The following ZNF532 variants were observed in gnomAD, a reference collection of about 807,000 sequenced individuals.
ZNF532 encodes zinc finger protein 532.
ZNF532 carries 22 observed loss-of-function variants against 89.3 expected under a neutral mutation model. That is an observed-to-expected ratio of 0.25 (90% CI 0.18 to 0.35). The LOEUF is 0.35. ZNF532 is among the 10% of genes least tolerant of loss of function. ZNF532 has a pLI of 1.00. For missense variants in ZNF532, 1,132 were observed against 1,643.4 expected, an observed-to-expected ratio of 0.69 and a Z score of 5.38; for synonymous variants, 606 against 649.6, an observed-to-expected ratio of 0.93 and a Z score of 1.02.
intron 2 of ZNF532, among the ~76,000 whole-genome samples, chr18:58,907,405 T>C (rs560420212): frequency 3.3e-5 from 5 of 152,180 alleles, no homozygotes; most frequent in East Asian, 1.9e-4. Flanking sequence ...AGGCTGGTCT[T>C]GAACTCCTGA....
At chr18:58,883,025 G>T (rs2058043675) in intron 2 of ZNF532, among the ~76,000 whole-genome samples, 1 of 152,178 alleles carries the variant, frequency 6.6e-6, no homozygotes, top group Non-Finnish European at 1.5e-5. Flanking sequence ...GTAACAGGAG[G>T]AACATTCCTG....
chr18:58,871,567 G>C (rs1236660093), intron 2 of ZNF532, among the ~76,000 whole-genome samples: 6 of 152,234 alleles, frequency 3.9e-5, no homozygotes, highest in Non-Finnish European at 7.3e-5. Flanking sequence ...ACAGTTGGTG[G>C]ACTGAGGGGT....
intron 2 of ZNF532, among the ~76,000 whole-genome samples, chr18:58,880,793 T>TGTGTGTGTGTGTGTGTGTGTGTGTGTG (rs1402848016): frequency 2.0e-5 from 3 of 151,454 alleles, no homozygotes; most frequent in Admixed American, 6.6e-5. Flanking sequence ...TGTGTGTATG[T>TGTGTGTGTGTGTGTGTGTGTGTGTGTG]TTGGGGCCCC....
intron 9 of ZNF532, among the ~76,000 whole-genome samples, chr18:58,982,895 C>T (rs538726869): frequency 5.9e-5 from 9 of 151,722 alleles, no homozygotes; most frequent in South Asian, 2.1e-4. Flanking sequence ...CAGGCAGTCA[C>T]GAGGTCAGGA....
At chr18:58,872,454 A>C (rs1473729237) in intron 2 of ZNF532, among the ~76,000 whole-genome samples, 1 of 152,188 alleles carries the variant, frequency 6.6e-6, no homozygotes, top group Non-Finnish European at 1.5e-5. Flanking sequence ...AGGGATTTCA[A>C]TAGTAAGAAT....
At chr18:58,871,352 CAAGTAGCT>C (rs1260641045) in intron 2 of ZNF532, among the ~76,000 whole-genome samples, 1 of 152,172 alleles carries the variant, frequency 6.6e-6, no homozygotes, top group Non-Finnish European at 1.5e-5. Context: ...CCCAAGCAGC[CAAGTAGCT>C]GGCACTATAG....
At chr18:58,901,614 G>A (rs1156887024) in intron 2 of ZNF532, among the ~76,000 whole-genome samples, 1 of 152,182 alleles carries the variant, frequency 6.6e-6, no homozygotes, top group Non-Finnish European at 1.5e-5. Flanking sequence ...AGTGGAATCT[G>A]GAACTTTAAA....
chr18:58,889,785 A>G (rs921643329), intron 2 of ZNF532, among the ~76,000 whole-genome samples: 2 of 144,790 alleles, frequency 1.4e-5, no homozygotes, highest in Admixed American at 7.0e-5. Context: ...AACAAAAAAC[A>G]AAAAAACCCC....
intron 2 of ZNF532, among the ~76,000 whole-genome samples, chr18:58,894,467 CAAAAAAAAA>C (rs149027291): frequency 2.6e-5 from 2 of 77,878 alleles, no homozygotes; most frequent in Non-Finnish European, 5.7e-5. Context: ...GACTCCATCT[CAAAAAAAAA>C]AAAAAAAAAG....
intron 9 of ZNF532, among the ~76,000 whole-genome samples, chr18:58,983,766 C>G (rs1286302124): frequency 6.6e-6 from 1 of 151,954 alleles, no homozygotes; most frequent in Non-Finnish European, 1.5e-5. Flanking sequence ...CAGAGCAATG[C>G]CTGCTAACAG....
chr18:58,939,663 T>G, intron 5 of ZNF532, 42 bp downstream of exon 5: 1 of 1,570,134 alleles, frequency 6.4e-7, no homozygotes, highest in South Asian at 1.2e-5. Context: ...ACTGCTTTAT[T>G]AGCAATTTAG....
chr18:58,908,031 G>GAGTA (rs1444704028), intron 2 of ZNF532, among the ~76,000 whole-genome samples: 1 of 152,216 alleles, frequency 6.6e-6, no homozygotes, highest in Non-Finnish European at 1.5e-5. Flanking sequence ...AAAAGGGTAG[G>GAGTA]AGTATTCTTT....
At chr18:58,925,013 C>T (rs548045846) in intron 3 of ZNF532, among the ~76,000 whole-genome samples, 2 of 152,152 alleles carry the variant, frequency 1.3e-5, no homozygotes, top group South Asian at 2.1e-4. Flanking sequence ...TTTAACCATT[C>T]ACTTGTTGAA....
chr18:58,864,073 C>T (rs1197451730), upstream of ZNF532: 1 of 152,218 alleles, frequency 6.6e-6, no homozygotes, highest in African/African-American at 2.4e-5. Flanking sequence ...CTACTCCCCC[C>T]GCCGGCGCCG....
At chr18:58,917,872 T>C (rs367698669) in intron 2 of ZNF532, among the ~76,000 whole-genome samples, 1 of 152,190 alleles carries the variant, frequency 6.6e-6, no homozygotes, top group South Asian at 2.1e-4. Context: ...GTGACGATGA[T>C]AGTGATAATT....
At chr18:58,983,480 G>A (rs2068069797) in intron 9 of ZNF532, among the ~76,000 whole-genome samples, 1 of 152,188 alleles carries the variant, frequency 6.6e-6, no homozygotes, top group African/African-American at 2.4e-5. Flanking sequence ...TTGGGCCTTG[G>A]CACTCACAGC....
In ZNF532 at chr18:58,939,550, G is replaced by A. The variant is rs773947370; in HGVS notation, c.2634G>A (p.Ala878=). The A allele has an allele frequency of 1.2e-5, 19 of 1,613,930 alleles. No individual in the cohort carries two copies. The highest frequency in any genetic ancestry group is 1.6e-4 in the Middle Eastern group (1 of 6,084). The stretch of plus-strand genomic sequence containing the variant: ...ACAAGTGTCCTATTTGTCCAATGGC[G>A]TTTAAGTCTGCCCCAAGCACACATT... ...VFYKCPICPM[A]FKSAPSTHSH... The change falls in exon 5 of 10, where the codon GCG becomes GCA. Residue 878 remains alanine (A), a synonymous_variant. Coordinates refer to ENST00000591808, the MANE Select transcript of ZNF532 (RefSeq NM_001375912.1).
At chr18:58,929,805 G>A (rs1184943692) in intron 3 of ZNF532, among the ~76,000 whole-genome samples, 2 of 152,192 alleles carry the variant, frequency 1.3e-5, no homozygotes, top group Non-Finnish European at 1.5e-5. Context: ...TGCTTGGTAT[G>A]ACTTCCATTT....
At chr18:58,948,042 A>C (rs771564058) in intron 5 of ZNF532, 25 bp from the exon 6 acceptor site, 4 of 1,588,274 alleles carry the variant, frequency 2.5e-6, no homozygotes, top group Non-Finnish European at 3.4e-6. Flanking sequence ...GACTGACATG[A>C]TCTCGCTGCA....
Sources: allele counts gnomAD v4.1 joint callset (sites outside exome capture counted in the v4.1 genomes callset), GRCh38; gene constraint gnomAD v4.1.1; transcripts MANE v1.5; gene names NCBI Gene and HGNC (gene_info 2026-07-23, HGNC 2026-07-21).